PDE3A: variants seen among roughly 807,000 people sequenced by gnomAD.
PDE3A encodes cGMP-inhibited 3',5'-cyclic phosphodiesterase 3A.
Under a neutral mutation model 98.3 loss-of-function variants are expected in PDE3A, and 43 were observed. That is an observed-to-expected ratio of 0.44 (90% CI 0.34 to 0.56). The LOEUF (loss-of-function observed/expected upper bound fraction) is 0.56, where lower values mean the gene tolerates loss of function less well. Among genes scored for constraint, PDE3A ranks in the 20% least tolerant of loss-of-function variants. The pLI is 0.01. For missense variants in PDE3A, 1,427 were observed against 1,440.7 expected (o/e 0.99, Z 0.15); for synonymous variants, 663 against 567.9 (o/e 1.17, Z -2.38).
At chr12:20,395,913 A>G (rs192197108) in intron 1 of PDE3A, among the ~76,000 whole-genome samples, 126 of 151,978 alleles carry the variant, frequency 8.3e-4, no homozygotes, top group South Asian at 7.3e-3. Flanking sequence ...TTTTAGGGAC[A>G]GGATATTGCT....
intron 1 of PDE3A, among the ~76,000 whole-genome samples, chr12:20,467,188 C>CTTTTT (rs1338734834): frequency 6.6e-6 from 1 of 151,830 alleles, no homozygotes; most frequent in Non-Finnish European, 1.5e-5. Flanking sequence ...TTGTTTTCAT[C>CTTTTT]TTTTAAAATT....
chr12:20,666,773 C>A (rs373987575), intron 15 of PDE3A, among the ~76,000 whole-genome samples: 37 of 152,234 alleles, frequency 2.4e-4, no homozygotes, highest in East Asian at 1.5e-3. Flanking sequence ...ATACTAATTT[C>A]TTTTCCTTTG....
intron 1 of PDE3A, among the ~76,000 whole-genome samples, chr12:20,381,446 T>C (rs1943661444): frequency 6.6e-6 from 1 of 151,788 alleles, no homozygotes; most frequent in African/African-American, 2.4e-5. Flanking sequence ...ATAATATTAG[T>C]GCATGTAAAA....
intron 15 of PDE3A, among the ~76,000 whole-genome samples, chr12:20,671,580 C>G (rs1327843734): frequency 1.3e-5 from 2 of 151,234 alleles, no homozygotes; most frequent in Non-Finnish European, 2.9e-5. Flanking sequence ...AGCATATAAA[C>G]AGAGCCAAAG....
intron 1 of PDE3A, among the ~76,000 whole-genome samples, chr12:20,501,451 G>A (rs1420873662): frequency 6.6e-6 from 1 of 151,988 alleles, no homozygotes. Flanking sequence ...ATTTAAACTG[G>A]TTATATGCAA....
At chr12:20,451,262 G>T (rs111746874) in intron 1 of PDE3A, among the ~76,000 whole-genome samples, 1 of 151,962 alleles carries the variant, frequency 6.6e-6, no homozygotes, top group African/African-American at 2.4e-5. Context: ...GTTATTCGGT[G>T]GTCTTTTATT....
intron 1 of PDE3A, among the ~76,000 whole-genome samples, chr12:20,538,884 G>A (rs1272961623): frequency 1.3e-5 from 2 of 151,752 alleles, no homozygotes; most frequent in Non-Finnish European, 2.9e-5. Context: ...GGACTCAAGC[G>A]ATCCTCTGGC....
rs543633845 is a variant in PDE3A at position 20,501,251 on chromosome 12, T to C, written c.961-55409T>C. 1.6e-4 allele frequency among the ~76,000 whole-genome samples: 25 copies of C among 152,308 alleles called. No homozygotes were observed. The South Asian group carries it at 5.2e-3, about 32-fold the overall frequency. Reference sequence around the variant, plus strand: ...TGGGCTTATGAAACATCTAGAATAATTAAATCAGAAAAGGGAAAATATTTG... The same window carrying C: ...TGGGCTTATGAAACATCTAGAATAACTAAATCAGAAAAGGGAAAATATTTG... On this transcript the variant is annotated intron_variant, in intron 1 of 15. Transcript: ENST00000359062.
At chr12:20,454,501 G>C (rs1203094612) in intron 1 of PDE3A, among the ~76,000 whole-genome samples, 5 of 152,146 alleles carry the variant, frequency 3.3e-5, no homozygotes, top group Admixed American at 3.3e-4. Context: ...AAGTTCAGGG[G>C]TACATGTGCA....
intron 1 of PDE3A, among the ~76,000 whole-genome samples, chr12:20,388,907 C>T (rs1565533666): frequency 6.6e-6 from 1 of 151,962 alleles, no homozygotes; most frequent in Non-Finnish European, 1.5e-5. Flanking sequence ...AATGGTGCCA[C>T]ATCTAGGATT....
chr12:20,665,177 A>G (rs1264165569), intron 15 of PDE3A, among the ~76,000 whole-genome samples: 1 of 152,156 alleles, frequency 6.6e-6, no homozygotes, highest in Non-Finnish European at 1.5e-5. Context: ...TTTTCCTACT[A>G]GAGTAAAAGC....
chr12:20,386,130 T>TAA lies in PDE3A; in HGVS notation c.960+15888_960+15889dup, dbSNP rs1373666428. Among the ~76,000 whole-genome samples the TAA allele has an allele frequency of 3.1e-3, 198 of 64,084 alleles. 9 individuals carry two copies. The highest frequency in any genetic ancestry group is 0.013 in the Middle Eastern group (2 of 160). The allele number at this position is 64,084 out of a possible 152,430, so 42.0% of individuals were successfully genotyped here. Reference sequence around the variant, plus strand: ...ATATATAAATATATATAAATATATATAAATATATATAAATATATATATAAA... The same window carrying TAA: ...ATATATAAATATATATAAATATATATAAAAATATATATAAATATATATATAAA... On this transcript the variant is annotated intron_variant, in intron 1 of 15. Coordinates refer to ENST00000359062, the MANE Select transcript of PDE3A (RefSeq NM_000921.5).
chr12:20,664,080 G>T (rs1945247473), intron 15 of PDE3A, among the ~76,000 whole-genome samples: 1 of 151,966 alleles, frequency 6.6e-6, no homozygotes, highest in African/African-American at 2.4e-5. Flanking sequence ...CCTTTGCTTG[G>T]CACTTCTCTC....
At chr12:20,661,525 T>C (rs1476394949) in intron 15 of PDE3A, among the ~76,000 whole-genome samples, 1 of 151,946 alleles carries the variant, frequency 6.6e-6, no homozygotes, top group Non-Finnish European at 1.5e-5. Context: ...GAAAAAGTGG[T>C]TTAATGGGCT....
intron 1 of PDE3A, among the ~76,000 whole-genome samples, chr12:20,461,383 A>G (rs1339526714): frequency 6.6e-6 from 1 of 152,168 alleles, no homozygotes; most frequent in Non-Finnish European, 1.5e-5. Flanking sequence ...TTTAAAAAAT[A>G]AATCCAATTG....
intron 1 of PDE3A, among the ~76,000 whole-genome samples, chr12:20,438,286 A>G (rs1444232399): frequency 6.6e-6 from 1 of 152,192 alleles, no homozygotes; most frequent in Non-Finnish European, 1.5e-5. Context: ...AGTGTTTACT[A>G]TAAGGCTTTA....
At chr12:20,428,365 C>T (rs1450944297) in intron 1 of PDE3A, among the ~76,000 whole-genome samples, 2 of 152,094 alleles carry the variant, frequency 1.3e-5, no homozygotes, top group African/African-American at 2.4e-5. Flanking sequence ...CTGCAAGCTC[C>T]ACCTCCCGGG....
chr12:20,572,785 C>G (rs944663283), intron 2 of PDE3A, among the ~76,000 whole-genome samples: 4 of 152,078 alleles, frequency 2.6e-5, no homozygotes, highest in Admixed American at 2.6e-4. Flanking sequence ...GATTTTAGTG[C>G]TTTGGACAAG....
intron 1 of PDE3A, among the ~76,000 whole-genome samples, chr12:20,543,684 T>G (rs1836103815): frequency 6.6e-6 from 1 of 152,062 alleles, no homozygotes; most frequent in African/African-American, 2.4e-5. Flanking sequence ...GAATGGGTTT[T>G]TCCTATTCTA....
Sources: gnomAD v4.1 joint callset for allele counts (sites outside exome capture counted in the v4.1 genomes callset) on GRCh38, gnomAD v4.1.1 for gene constraint, MANE v1.5 for transcripts, NCBI Gene and HGNC (gene_info 2026-07-23, HGNC 2026-07-21) for gene names.